The following DCBLD2 variants were observed in gnomAD, a reference collection of about 807,000 sequenced individuals.
DCBLD2 encodes discoidin, CUB and LCCL domain-containing protein 2.
Under a neutral mutation model 86.8 loss-of-function variants are expected in DCBLD2, and 54 were observed. The observed-to-expected ratio is 0.62, with a 90% CI of 0.50 to 0.78. The LOEUF (loss-of-function observed/expected upper bound fraction) is 0.78, where lower values mean the gene tolerates loss of function less well. Among genes scored for constraint, DCBLD2 ranks in the 30% least tolerant of loss-of-function variants. DCBLD2 has a pLI of 0.00. For synonymous variants in DCBLD2, 354 were observed against 341.3 expected (o/e 1.04, Z -0.41); for missense variants, 908 against 954.2 (o/e 0.95, Z 0.64).
chr3:98,844,781 A>C (rs1044503912), intron 3 of DCBLD2, among the ~76,000 whole-genome samples: 1 of 152,210 alleles, frequency 6.6e-6, no homozygotes, highest in Non-Finnish European at 1.5e-5. Flanking sequence ...TAGAGCTTCT[A>C]AACAGGGGTT....
intron 3 of DCBLD2, among the ~76,000 whole-genome samples, chr3:98,829,394 C>A (rs191424979): frequency 2.0e-5 from 3 of 152,240 alleles, no homozygotes; most frequent in African/African-American, 2.4e-5. Context: ...AGGTACTAAG[C>A]CTAGTTAGCA....
chr3:98,893,922 T>C (rs1456230930), intron 1 of DCBLD2, among the ~76,000 whole-genome samples: 1 of 152,180 alleles, frequency 6.6e-6, no homozygotes, highest in Non-Finnish European at 1.5e-5. Context: ...TAATCCCCAC[T>C]TGGGACTTGA....
At chr3:98,860,097 T>A (rs1445281246) in intron 2 of DCBLD2, among the ~76,000 whole-genome samples, 1 of 152,134 alleles carries the variant, frequency 6.6e-6, no homozygotes, top group Non-Finnish European at 1.5e-5. Context: ...CAGTAGATAA[T>A]TCAATCAACT....
At chr3:98,802,373 C>G (rs542753857) in intron 13 of DCBLD2, among the ~76,000 whole-genome samples, 72 of 152,256 alleles carry the variant, frequency 4.7e-4, no homozygotes, top group African/African-American at 1.7e-3. Context: ...AGTGTCTGTT[C>G]ATATCTTTCG....
In DCBLD2 at chr3:98,801,646, C is replaced by A. The variant is rs1312556488; in HGVS notation, c.1674G>T (p.Lys558Asn). ...AGTCATAGGTGCCTTCAGTTTTTTTCTTTCTGGAAAAATACAGAAGAGAAG... is the reference window on the plus strand; with the variant it reads ...AGTCATAGGTGCCTTCAGTTTTTTTATTTCTGGAAAAATACAGAAGAGAAG... Reference protein sequence around the residue: ...LVCAWHWRNRKKKTEGTYDLP... With the variant: ...LVCAWHWRNRNKKTEGTYDLP... Residue 558 changes from lysine (K) to asparagine (N), a missense_variant, in exon 14 of 16, where the codon AAG (lysine) becomes AAT (asparagine). Lys to Asn is a moderately conservative substitution (Grantham distance 94). Around this residue, in one of 3 missense-constraint regions of DCBLD2, gnomAD observed 606 missense variants for 678.5 expected, o/e 0.89. Transcript: ENST00000326840. 1.2e-6 allele frequency: 2 copies of A among 1,605,540 alleles called. No individual in the cohort carries two copies. Among genetic ancestry groups the A allele is most frequent in the East Asian group, 4.5e-5 (2 of 44,600 alleles).
chr3:98,819,813 T>C (rs544785897), intron 7 of DCBLD2, among the ~76,000 whole-genome samples: 1 of 152,314 alleles, frequency 6.6e-6, no homozygotes, highest in Admixed American at 6.5e-5. Flanking sequence ...CTACATCTTT[T>C]ATCATATTGT....
chr3:98,829,924 T>C (rs1349154737), intron 3 of DCBLD2, among the ~76,000 whole-genome samples: 1 of 152,200 alleles, frequency 6.6e-6, no homozygotes, highest in Admixed American at 6.5e-5. Context: ...TACTTTTTAA[T>C]AATAGCCATT....
At chr3:98,846,698 C>G (rs374334025) in intron 3 of DCBLD2, among the ~76,000 whole-genome samples, 1 of 152,066 alleles carries the variant, frequency 6.6e-6, no homozygotes, top group Non-Finnish European at 1.5e-5. Flanking sequence ...TCTTTGGAAG[C>G]TAAGATTCAT....
intron 2 of DCBLD2, among the ~76,000 whole-genome samples, chr3:98,868,878 T>G (rs1943209224): frequency 6.6e-6 from 1 of 152,176 alleles, no homozygotes; most frequent in Non-Finnish European, 1.5e-5. Flanking sequence ...TTTGATGGAC[T>G]CTTAGGTTGA....
At chr3:98,853,504 C>T (rs1303739226) in intron 2 of DCBLD2, among the ~76,000 whole-genome samples, 1 of 152,152 alleles carries the variant, frequency 6.6e-6, no homozygotes, top group Non-Finnish European at 1.5e-5. Context: ...TCTTCATATG[C>T]CTAGGCCATT....
intron 1 of DCBLD2, among the ~76,000 whole-genome samples, chr3:98,897,433 A>T (rs549168091): frequency 1.3e-5 from 2 of 152,170 alleles, no homozygotes; most frequent in Non-Finnish European, 2.9e-5. Context: ...AAGAGCCCCA[A>T]TGTTTTATCA....
chr3:98,844,062 A>ACACACACACACACACACACC (rs1459005169), intron 3 of DCBLD2, among the ~76,000 whole-genome samples: 20 of 144,120 alleles, frequency 1.4e-4, no homozygotes, highest in Admixed American at 4.9e-4. Flanking sequence ...ACACACACAC[A>ACACACACACACACACACACC]CCCCAATTAT....
chr3:98,885,833 TC>T (rs1943552411), intron 1 of DCBLD2, among the ~76,000 whole-genome samples: 1 of 151,142 alleles, frequency 6.6e-6, no homozygotes, highest in Non-Finnish European at 1.5e-5. Context: ...CAATTTTACC[TC>T]CCATTTGGCA....
At chr3:98,817,497 T>C (rs1333891839) in intron 9 of DCBLD2, among the ~76,000 whole-genome samples, 4 of 152,220 alleles carry the variant, frequency 2.6e-5, no homozygotes, top group Non-Finnish European at 4.4e-5. Flanking sequence ...CCTTTTAGAC[T>C]TTCTTAATAA....
chr3:98,870,438 T>C (rs1309089243), intron 2 of DCBLD2, among the ~76,000 whole-genome samples: 1 of 152,118 alleles, frequency 6.6e-6, no homozygotes, highest in East Asian at 1.9e-4. Context: ...TTTGGTTTTA[T>C]TTGAATTTAG....
intron 2 of DCBLD2, among the ~76,000 whole-genome samples, chr3:98,857,566 A>G (rs1437567723): frequency 6.6e-6 from 1 of 152,042 alleles, no homozygotes; most frequent in East Asian, 1.9e-4. Context: ...CCACATCCCC[A>G]CGAGATTAGC....
intron 13 of DCBLD2, among the ~76,000 whole-genome samples, chr3:98,804,292 G>C (rs1460268027): frequency 6.6e-6 from 1 of 152,142 alleles, no homozygotes; most frequent in Non-Finnish European, 1.5e-5. Context: ...TATGTGTCCA[G>C]GAATTTATCC....
intron 2 of DCBLD2, among the ~76,000 whole-genome samples, chr3:98,868,788 T>C (rs1943207497): frequency 6.6e-6 from 1 of 152,186 alleles, no homozygotes; most frequent in South Asian, 2.1e-4. Flanking sequence ...TATTTCATTC[T>C]TTTTAAGGGT....
chr3:98,898,561 A>G (rs533335691), intron 1 of DCBLD2, among the ~76,000 whole-genome samples: 1 of 152,282 alleles, frequency 6.6e-6, no homozygotes, highest in East Asian at 1.9e-4. Flanking sequence ...AACTGTCAAC[A>G]GTTTATTTCC....
Sources: allele counts gnomAD v4.1 joint callset (sites outside exome capture counted in the v4.1 genomes callset), GRCh38; gene constraint gnomAD v4.1.1; regional missense constraint gnomAD v4.1.1; transcripts MANE v1.5; gene names NCBI Gene and HGNC (gene_info 2026-07-23, HGNC 2026-07-21).